Variants in TMEM178B observed in about 807,000 individuals in gnomAD.
The protein encoded by TMEM178B is transmembrane protein 178B.
Under a neutral mutation model 31.0 loss-of-function variants are expected in TMEM178B, and 5 were observed. That is an observed-to-expected ratio of 0.16 (90% confidence interval 0.08 to 0.34). The LOEUF is 0.34. TMEM178B is among the 10% of genes least tolerant of loss of function. The pLI, the probability that TMEM178B is intolerant of heterozygous loss-of-function variation, is 1.00. For synonymous variants in TMEM178B, 164 were observed against 164.0 expected (o/e 1.00, Z 0.00); for missense variants, 275 against 400.3 (o/e 0.69, Z 2.67).
intron 1 of TMEM178B, among the ~76,000 whole-genome samples, chr7:141,199,817 C>T (rs1301923517): frequency 3.9e-5 from 6 of 152,076 alleles, no homozygotes; most frequent in East Asian, 1.9e-4. Flanking sequence ...TTTGGGAGGC[C>T]GAGGCAGGTG....
the TMEM178B span, among the ~76,000 whole-genome samples, chr7:141,487,680 G>T: frequency 4.2e-5 from 6 of 143,328 alleles, no homozygotes; most frequent in Non-Finnish European, 9.0e-5. Context: ...GGCAGAGGTT[G>T]CAGTGAGCCG....
intron 2 of TMEM178B, chr7:141,352,203 G>A (rs765759145): frequency 6.6e-6 from 1 of 152,502 alleles, no homozygotes; most frequent in Non-Finnish European, 1.5e-5. Flanking sequence ...TTTTGTGCAT[G>A]TTTGGAGCTG....
At chr7:141,442,424 A>G (rs1359430936) in intron 3 of TMEM178B, among the ~76,000 whole-genome samples, 4 of 152,216 alleles carry the variant, frequency 2.6e-5, no homozygotes, top group African/African-American at 7.2e-5. Flanking sequence ...TATGTCAGTC[A>G]TCCACTGTCA....
At chr7:141,125,505 AC>A (rs1298410884) in intron 1 of TMEM178B, among the ~76,000 whole-genome samples, 2 of 151,772 alleles carry the variant, frequency 1.3e-5, no homozygotes, top group African/African-American at 2.4e-5. Flanking sequence ...ACATGATGAA[AC>A]CCTGTCTCTA....
At chr7:141,159,733 G>A (rs771348047) in intron 1 of TMEM178B, among the ~76,000 whole-genome samples, 3 of 152,100 alleles carry the variant, frequency 2.0e-5, no homozygotes, top group Non-Finnish European at 4.4e-5. Flanking sequence ...TCACTTATAT[G>A]AGATAGAATA....
intron 2 of TMEM178B, among the ~76,000 whole-genome samples, chr7:141,273,459 C>A (rs1372319227): frequency 6.6e-6 from 1 of 152,116 alleles, no homozygotes; most frequent in East Asian, 1.9e-4. Context: ...AAATGTTAAA[C>A]CCTGAGGGTC....
At chr7:141,333,770 G>A (rs1331705061) in intron 2 of TMEM178B, among the ~76,000 whole-genome samples, 1 of 152,242 alleles carries the variant, frequency 6.6e-6, no homozygotes, top group Non-Finnish European at 1.5e-5. Context: ...GGAGGGCGGA[G>A]AATGGTTTCA....
chr7:141,464,650 A>C (rs141692146), intron 3 of TMEM178B, among the ~76,000 whole-genome samples: 1,654 of 152,330 alleles, frequency 0.011, 31 homozygotes, highest in African/African-American at 0.038. Flanking sequence ...AGCATGTATC[A>C]TAAAGCTTGA....
At chr7:141,132,486 G>A (rs1426663536) in intron 1 of TMEM178B, among the ~76,000 whole-genome samples, 1 of 152,118 alleles carries the variant, frequency 6.6e-6, no homozygotes, top group East Asian at 1.9e-4. Flanking sequence ...GTTAATATTT[G>A]AATTTTTCCT....
intron 2 of TMEM178B, among the ~76,000 whole-genome samples, chr7:141,280,578 G>C (rs1177511133): frequency 6.6e-6 from 1 of 152,178 alleles, no homozygotes; most frequent in African/African-American, 2.4e-5. Context: ...CTGTGAGTCT[G>C]TTAAACCCAT....
At chr7:141,098,003 G>C (rs1794994279) in intron 1 of TMEM178B, among the ~76,000 whole-genome samples, 2 of 151,832 alleles carry the variant, frequency 1.3e-5, no homozygotes, top group South Asian at 4.2e-4. Context: ...TGTTGCCCAG[G>C]CTGGTCTCGA....
intron 2 of TMEM178B, among the ~76,000 whole-genome samples, chr7:141,275,783 T>C (rs1422359828): frequency 6.6e-6 from 1 of 152,222 alleles, no homozygotes; most frequent in African/African-American, 2.4e-5. Flanking sequence ...TAATTATTTG[T>C]TGTACAGAAT....
chr7:141,262,391 T>C (rs1346641669), intron 2 of TMEM178B, among the ~76,000 whole-genome samples: 1 of 150,520 alleles, frequency 6.6e-6, no homozygotes, highest in Non-Finnish European at 1.5e-5. Flanking sequence ...TGCATGTGAG[T>C]TGCTTTGGAA....
At chr7:141,410,026 G>A (rs1800953428) in intron 2 of TMEM178B, among the ~76,000 whole-genome samples, 1 of 152,174 alleles carries the variant, frequency 6.6e-6, no homozygotes, top group African/African-American at 2.4e-5. Context: ...CAGGCCATGG[G>A]CCGCCTGTCT....
At chr7:141,435,703 C>T (rs143961982) in intron 2 of TMEM178B, among the ~76,000 whole-genome samples, 33 of 152,310 alleles carry the variant, frequency 2.2e-4, no homozygotes, top group South Asian at 1.7e-3. Context: ...TGTGATCAAA[C>T]GATGGTTTCA....
chr7:141,105,085 T>A (rs1277048522), intron 1 of TMEM178B, among the ~76,000 whole-genome samples: 1 of 151,990 alleles, frequency 6.6e-6, no homozygotes, highest in Non-Finnish European at 1.5e-5. Context: ...AAAGTTGACA[T>A]GATGGACGTG....
At chr7:141,412,644 G>A (rs1801012115) in intron 2 of TMEM178B, among the ~76,000 whole-genome samples, 1 of 152,228 alleles carries the variant, frequency 6.6e-6, no homozygotes, top group East Asian at 1.9e-4. Context: ...ATTCAGATGA[G>A]GGAAGGAAAA....
intron 1 of TMEM178B, among the ~76,000 whole-genome samples, chr7:141,169,910 C>A (rs907554095): frequency 6.6e-6 from 1 of 152,214 alleles, no homozygotes; most frequent in Admixed American, 6.5e-5. Flanking sequence ...TGTATGTTCC[C>A]TTCCACTGTT....
chr7:141,124,897 A>T (rs954976087), intron 1 of TMEM178B, among the ~76,000 whole-genome samples: 3 of 152,202 alleles, frequency 2.0e-5, no homozygotes, highest in Non-Finnish European at 4.4e-5. Context: ...GAATTTCAAG[A>T]CTTATTTTCT....
Sources: gnomAD v4.1 joint callset for allele counts (sites outside exome capture counted in the v4.1 genomes callset) on GRCh38, gnomAD v4.1.1 for gene constraint, MANE v1.5 for transcripts, NCBI Gene and HGNC (gene_info 2026-07-23, HGNC 2026-07-21) for gene names.